The following DOCK1 variants were observed in gnomAD, a reference collection of about 807,000 sequenced individuals.
DOCK1 encodes the protein dedicator of cytokinesis 1.
Under a neutral mutation model 262.7 loss-of-function variants are expected in DOCK1, and 138 were observed. The observed-to-expected ratio is 0.53, with a 90% CI of 0.46 to 0.61. The LOEUF is 0.61. Ranked by LOEUF, DOCK1 falls within the 20% of genes least tolerant of loss-of-function variation. The probability of loss-of-function intolerance (pLI) is 0.00; values close to 1 mark genes in which losing one functional copy is unlikely to be tolerated. For synonymous variants in DOCK1, 866 were observed against 867.4 expected (o/e 1.00, Z 0.03); for missense variants, 1,908 against 2,370.7 (o/e 0.80, Z 4.05).
chr10:127,414,976 C>T (rs1322103712), intron 43 of DOCK1, among the ~76,000 whole-genome samples, 176 bp from the exon 44 acceptor site: 5 of 152,178 alleles, frequency 3.3e-5, no homozygotes, highest in African/African-American at 1.2e-4. Flanking sequence ...TTAGGTAGAG[C>T]GTGGCTTGTG....
chr10:127,336,538 T>G (rs940614776), intron 29 of DOCK1, among the ~76,000 whole-genome samples: 10 of 151,284 alleles, frequency 6.6e-5, no homozygotes, highest in South Asian at 6.3e-4. Context: ...ATACATAGTT[T>G]TTTTTTTTTT....
At chr10:127,219,135 G>A (rs1044794581) in intron 27 of DOCK1, among the ~76,000 whole-genome samples, 2 of 152,126 alleles carry the variant, frequency 1.3e-5, no homozygotes, top group African/African-American at 4.8e-5. Context: ...TTAAGTAGTG[G>A]GGACTGCAGA....
At chr10:127,441,353 A>C (rs1051871374) in intron 49 of DOCK1, among the ~76,000 whole-genome samples, 2 of 152,152 alleles carry the variant, frequency 1.3e-5, no homozygotes, top group Admixed American at 6.5e-5. Flanking sequence ...AATCCACAGG[A>C]ACTCACCAAG....
intron 28 of DOCK1, among the ~76,000 whole-genome samples, chr10:127,254,130 A>G (rs2059753495): frequency 6.6e-6 from 1 of 152,186 alleles, no homozygotes; most frequent in African/African-American, 2.4e-5. Context: ...ATTTGTATTC[A>G]GATTTCCTCC....
At chr10:127,336,918 A>G (rs933588528) in intron 29 of DOCK1, among the ~76,000 whole-genome samples, 2 of 152,176 alleles carry the variant, frequency 1.3e-5, no homozygotes, top group African/African-American at 4.8e-5. Flanking sequence ...TCGAAGCAGC[A>G]TATTGCAACT....
intron 38 of DOCK1, among the ~76,000 whole-genome samples, chr10:127,401,468 G>A (rs959346289): frequency 1.3e-5 from 2 of 152,194 alleles, no homozygotes; most frequent in Non-Finnish European, 2.9e-5. Context: ...GAGGTCAAGT[G>A]CCCCATTTGA....
chr10:127,330,987 C>T (rs1466025988), intron 29 of DOCK1, among the ~76,000 whole-genome samples: 17 of 152,282 alleles, frequency 1.1e-4, no homozygotes, highest in Non-Finnish European at 2.2e-4. Context: ...TGGCCAGAGC[C>T]ACCCTGCAGT....
At chr10:127,268,760 A>C (rs972287428) in intron 29 of DOCK1, among the ~76,000 whole-genome samples, 1 of 152,072 alleles carries the variant, frequency 6.6e-6, no homozygotes, top group African/African-American at 2.4e-5. Flanking sequence ...GTGTCTTTGC[A>C]GGAGATTTTT....
chr10:127,140,638 AAGTCTCTGGGTTGAGTTTGACACACCG>A (rs1355833122), intron 27 of DOCK1, among the ~76,000 whole-genome samples: 1 of 147,056 alleles, frequency 6.8e-6, no homozygotes, highest in Non-Finnish European at 1.5e-5. Flanking sequence ...TTGACACACC[AAGTCTCTGGGTTGAGTTTGACACACCG>A]AGTCTCTGGG....
rs1179928655 is a variant in DOCK1 at position 127,004,256 on chromosome 10, GAAAAC to G, written c.985+3969_985+3973del. ...CTCCATCTCAAAAAAAAAAAGAAAA[GAAAAC>G]AAAACAAAACAAAACAAAAGTAAGG... On this transcript the variant is annotated intron_variant, in intron 10 of 51. Transcript: ENST00000623213. 2.2e-3 allele frequency among the ~76,000 whole-genome samples: 326 copies of G among 149,310 alleles called. 1 individual carries two copies. The highest frequency in any genetic ancestry group is 4.0e-3 in the African/African-American group (165 of 40,856).
chr10:127,365,991 T>C (rs1275259330), intron 33 of DOCK1, among the ~76,000 whole-genome samples: 1 of 152,214 alleles, frequency 6.6e-6, no homozygotes, highest in African/African-American at 2.4e-5. Flanking sequence ...GCACATTTAG[T>C]TCCATCTCAT....
Position 127,451,811 on chromosome 10 carries a change from A to G in DOCK1, c.*384A>G, listed in dbSNP as rs3740543. The G allele has an allele frequency of 0.46, 124,547 of 271,048 alleles. 30,222 individuals are homozygous for G. Among genetic ancestry groups the G allele is most frequent in the Admixed American group, 0.53 (9,958 of 18,806 alleles). 16.8% of individuals were successfully genotyped at this position (271,048 alleles called of 1,614,324 possible). A position where few individuals can be genotyped will look rare whatever the true frequency, so the allele number is the denominator to read the frequency against. ...TAGGAGAGGCTAGGCCATCACTCTT[A>G]GGAAGCTGTGTAGTGATGATGTATA... is the stretch of plus-strand genomic sequence containing the variant. On this transcript the variant is annotated 3_prime_UTR_variant, in exon 52 of 52. Coordinates refer to ENST00000623213, the MANE Select transcript of DOCK1 (RefSeq NM_001290223.2).
chr10:127,367,526 C>T (rs1306181486), intron 33 of DOCK1, among the ~76,000 whole-genome samples: 1 of 152,044 alleles, frequency 6.6e-6, no homozygotes, highest in Non-Finnish European at 1.5e-5. Flanking sequence ...GGCGATGAAG[C>T]TCCACAAAAG....
chr10:126,981,808 T>G (rs2038998524), intron 3 of DOCK1, 110 bp from the exon 4 acceptor site: 1 of 1,035,306 alleles, frequency 9.7e-7, no homozygotes, highest in East Asian at 2.6e-5. Flanking sequence ...CTTAAAAAAT[T>G]AAGAGCGATC....
At chr10:127,023,486 A>G (rs1352368310) in intron 14 of DOCK1, among the ~76,000 whole-genome samples, 162 bp downstream of exon 14, 2 of 149,554 alleles carry the variant, frequency 1.3e-5, no homozygotes, top group Non-Finnish European at 3.0e-5. Flanking sequence ...CTTGCCATGC[A>G]GGGCCTGGGG....
intron 27 of DOCK1, among the ~76,000 whole-genome samples, chr10:127,142,038 G>T (rs1217737394): frequency 1.3e-5 from 2 of 152,226 alleles, no homozygotes; most frequent in Admixed American, 6.5e-5. Flanking sequence ...GCTTGTGAGT[G>T]ACCAGCTACC....
chr10:127,352,645 TGCAGTG>T (rs1209942584), intron 31 of DOCK1, among the ~76,000 whole-genome samples: 1 of 151,864 alleles, frequency 6.6e-6, no homozygotes, highest in African/African-American at 2.4e-5. Context: ...CAGGCTGGAG[TGCAGTG>T]GCGAGATCTC....
At chr10:127,028,360 C>T (rs1434110138) in intron 16 of DOCK1, among the ~76,000 whole-genome samples, 1 of 152,180 alleles carries the variant, frequency 6.6e-6, no homozygotes, top group Non-Finnish European at 1.5e-5. Flanking sequence ...AGATGTTGGC[C>T]ATCGTTCACT....
intron 27 of DOCK1, among the ~76,000 whole-genome samples, chr10:127,208,036 G>C (rs2057802670): frequency 6.6e-6 from 1 of 152,176 alleles, no homozygotes; most frequent in African/African-American, 2.4e-5. Flanking sequence ...TGCGATTTGG[G>C]CAGAATTAGA....
Sources: allele counts gnomAD v4.1 joint callset (sites outside exome capture counted in the v4.1 genomes callset), GRCh38; gene constraint gnomAD v4.1.1; transcripts MANE v1.5; gene names NCBI Gene and HGNC (gene_info 2026-07-23, HGNC 2026-07-21).